The following COL4A2 variants were observed in gnomAD, a reference collection of about 807,000 sequenced individuals.
The protein encoded by COL4A2 is collagen type IV alpha 2 chain, also known as collagen alpha-2(IV) chain.
COL4A2 carries 99 observed loss-of-function variants against 200.2 expected under a neutral mutation model. That is an observed-to-expected ratio of 0.49 (90% confidence interval 0.42 to 0.58). The LOEUF (loss-of-function observed/expected upper bound fraction) is 0.58, where lower values mean the gene tolerates loss of function less well. Ranked by LOEUF, COL4A2 falls within the 20% of genes least tolerant of loss-of-function variation. The probability of loss-of-function intolerance (pLI) is 0.00; values close to 1 mark genes in which losing one functional copy is unlikely to be tolerated. For missense variants in COL4A2, 1,950 were observed against 2,314.1 expected (o/e 0.84, Z 3.23); for synonymous variants, 897 against 900.6 (o/e 1.00, Z 0.07).
chr13:110,446,401 T>A (rs1881326108), intron 17 of COL4A2, among the ~76,000 whole-genome samples: 1 of 152,178 alleles, frequency 6.6e-6, no homozygotes, highest in Admixed American at 6.5e-5. Context: ...TTATGACAAA[T>A]GCTGCCTTAC....
intron 4 of COL4A2, among the ~76,000 whole-genome samples, chr13:110,396,432 C>T (rs1879185047): frequency 6.6e-6 from 1 of 152,164 alleles, no homozygotes; most frequent in South Asian, 2.1e-4. Context: ...AACTCCATGC[C>T]CCGTGTTTTT....
intron 32 of COL4A2, among the ~76,000 whole-genome samples, chr13:110,483,588 C>T (rs185406610): frequency 2.0e-4 from 31 of 152,350 alleles, no homozygotes; most frequent in Non-Finnish European, 2.1e-4. Flanking sequence ...TCAGACATGG[C>T]GCGTGGGCGA....
At chr13:110,449,207 A>G (rs1411515250) in intron 18 of COL4A2, among the ~76,000 whole-genome samples, 1 of 152,266 alleles carries the variant, frequency 6.6e-6, no homozygotes, top group Non-Finnish European at 1.5e-5. Flanking sequence ...TGTGTTCTAC[A>G]GTAAAGCGTT....
chr13:110,442,604 C>T (rs1255207399), intron 16 of COL4A2, among the ~76,000 whole-genome samples: 4 of 152,238 alleles, frequency 2.6e-5, no homozygotes, highest in Non-Finnish European at 5.9e-5. Flanking sequence ...CCCTCCTCTA[C>T]ATAAACACAG....
intron 45 of COL4A2, among the ~76,000 whole-genome samples, chr13:110,505,167 G>C (rs191454257): frequency 6.6e-6 from 1 of 151,390 alleles, no homozygotes; most frequent in African/African-American, 2.4e-5. Context: ...TGGCTAACAC[G>C]GTGAAACCCC....
intron 31 of COL4A2, among the ~76,000 whole-genome samples, chr13:110,480,991 CATT>C: frequency 7.8e-6 from 1 of 128,666 alleles, no homozygotes. Flanking sequence ...TCTGTCCTTC[CATT>C]GCTGGAGACA....
At chr13:110,317,170 A>G (rs913444205) in intron 3 of COL4A2, among the ~76,000 whole-genome samples, 2 of 151,762 alleles carry the variant, frequency 1.3e-5, no homozygotes, top group Non-Finnish European at 2.9e-5. Context: ...GCACACACAC[A>G]TGCACATAGA....
In COL4A2 at chr13:110,512,006, G is replaced by A. The variant is rs763103910; in HGVS notation, c.4954G>A (p.Ala1652Thr). The A allele has an allele frequency of 4.3e-6, 7 of 1,613,400 alleles. No individual in the cohort carries two copies. Among genetic ancestry groups the A allele is most frequent in the Middle Eastern group, 1.6e-4 (1 of 6,084 alleles). The change falls in exon 48 of 48, where the codon GCC becomes ACC. Residue 1652 changes from alanine (A) to threonine (T), a missense_variant. This residue lies in a region of COL4A2 where 1,385 missense variants were observed against 1,720.5 expected (regional missense o/e 0.80). Transcript: ENST00000360467. ...SPGSCLEDFR[A>T]TPFIECNGGR... ...GGGCAGCTGTCTAGAGGACTTCCGC[G>A]CCACACCATTCATCGAATGCAATGG...
chr13:110,310,004 C>CA (rs1021273882), intron 3 of COL4A2, among the ~76,000 whole-genome samples: 4 of 151,784 alleles, frequency 2.6e-5, no homozygotes, highest in African/African-American at 9.7e-5. Context: ...ACAAAACAAA[C>CA]AAACAAAAAA....
Position 110,508,787 on chromosome 13 carries a change from C to T in COL4A2, c.4881+566C>T, listed in dbSNP as rs146227622. ...GAAGGCACCGCCCACCCTTCCGGATCGCCTTTGGGTATAAAATAGAGAACC... is the reference window on the plus strand; with the variant it reads ...GAAGGCACCGCCCACCCTTCCGGATTGCCTTTGGGTATAAAATAGAGAACC... On this transcript the variant is annotated intron_variant, in intron 47 of 47. Transcript: ENST00000360467. The surrounding 1 kb of genome is among the most constrained non-coding windows in gnomAD (Gnocchi z 6.1). Among the ~76,000 whole-genome samples, 2 of 152,150 alleles carry T rather than the reference C, an allele frequency of 1.3e-5. No individual in the cohort carries two copies. The highest frequency in any genetic ancestry group is 6.5e-5 in the Admixed American group (1 of 15,284).
At chr13:110,349,298 C>T (rs557957011) in intron 3 of COL4A2, among the ~76,000 whole-genome samples, 1 of 152,262 alleles carries the variant, frequency 6.6e-6, no homozygotes, top group Non-Finnish European at 1.5e-5. Context: ...TTGAGATGGG[C>T]GATTCCTCAG....
chr13:110,512,268 TTTA>T lies in COL4A2; in HGVS notation c.*80_*82del. On this transcript the variant is annotated 3_prime_UTR_variant, in exon 48 of 48. Coordinates refer to ENST00000360467, the MANE Select transcript of COL4A2 (RefSeq NM_001846.4). Reference sequence around the variant, plus strand: ...CTCAGGTGCCAACCCAAAAATTGGTTTTATTTTTTTCTTAAAAAAAAAAAAGTC... The same window carrying T: ...CTCAGGTGCCAACCCAAAAATTGGTTTTTTTTTCTTAAAAAAAAAAAAGTC... 1 of 1,441,874 alleles carries T rather than the reference TTTA, an allele frequency of 6.9e-7. No individual in the cohort carries two copies. The highest frequency in any genetic ancestry group is 9.1e-7 in the Non-Finnish European group (1 of 1,104,370). The allele number at this position is 1,441,874 out of a possible 1,614,324, so 89.3% of individuals were successfully genotyped here. A position where few individuals can be genotyped will look rare whatever the true frequency, so the allele number is the denominator to read the frequency against.
intron 29 of COL4A2, among the ~76,000 whole-genome samples, chr13:110,474,923 C>T (rs1882645099): frequency 1.3e-5 from 1 of 74,510 alleles, no homozygotes; most frequent in Non-Finnish European, 3.1e-5. Context: ...CACACATGCA[C>T]ATACCCACAC....
At chr13:110,504,301 G>C (rs529478348) in intron 45 of COL4A2, 37 bp downstream of exon 45, 1 of 1,518,182 alleles carries the variant, frequency 6.6e-7, no homozygotes, top group East Asian at 2.3e-5. Flanking sequence ...CCAGGTCCTA[G>C]TGCTCTGGAT....
intron 3 of COL4A2, 44 bp from the exon 4 acceptor site, chr13:110,357,428 A>G (rs1358396598): frequency 1.3e-5 from 20 of 1,555,604 alleles, no homozygotes; most frequent in Non-Finnish European, 1.7e-5. Context: ...TGTAGTTGGC[A>G]ATGTTTAGGT....
intron 46 of COL4A2, chr13:110,507,581 C>G: frequency 6.5e-6 from 2 of 307,400 alleles, no homozygotes; most frequent in Non-Finnish European, 6.1e-6. Context: ...AAAGAGCGAC[C>G]CCTTGGAGGC....
intron 20 of COL4A2, among the ~76,000 whole-genome samples, chr13:110,454,044 G>C (rs932512104): frequency 6.6e-6 from 1 of 152,180 alleles, no homozygotes; most frequent in African/African-American, 2.4e-5. Flanking sequence ...GTCTTTTGCA[G>C]CTCCAGTAAA....
chr13:110,382,219 T>C lies in COL4A2; in HGVS notation c.180+24667T>C, dbSNP rs548886557. Among the ~76,000 whole-genome samples, 11 of 152,342 alleles carry C rather than the reference T, an allele frequency of 7.2e-5. No homozygotes were observed. The South Asian group carries it at 2.3e-3, about 32-fold the overall frequency. On this transcript the variant is annotated intron_variant, in intron 4 of 47. Transcript: ENST00000360467. Reference sequence around the variant, plus strand: ...ATGTCTTCAAACAAAGCAATTATGGTGGACAAGTATTTGAGGACAGTTTTT... The same window carrying C: ...ATGTCTTCAAACAAAGCAATTATGGCGGACAAGTATTTGAGGACAGTTTTT...
intron 20 of COL4A2, among the ~76,000 whole-genome samples, chr13:110,451,206 C>T (rs2139482581): frequency 6.6e-6 from 1 of 152,314 alleles, no homozygotes; most frequent in African/African-American, 2.4e-5. Flanking sequence ...CCGCCTGGAG[C>T]TTGCTGTCAG....
Sources: allele counts gnomAD v4.1 joint callset (sites outside exome capture counted in the v4.1 genomes callset), GRCh38; gene constraint gnomAD v4.1.1; regional missense constraint gnomAD v4.1.1; non-coding constraint Gnocchi (gnomAD v3.1); transcripts MANE v1.5; gene names NCBI Gene and HGNC (gene_info 2026-07-23, HGNC 2026-07-21).